The following PTPRG variants were observed in gnomAD, a reference collection of about 807,000 sequenced individuals.
PTPRG encodes the protein protein tyrosine phosphatase receptor type G.
Under a neutral mutation model 165.3 loss-of-function variants are expected in PTPRG, and 102 were observed. The ratio of observed to expected loss-of-function variants is 0.62; its 90% CI spans 0.53 to 0.73. The LOEUF (loss-of-function observed/expected upper bound fraction) is 0.73. PTPRG is among the 30% of genes least tolerant of loss of function. The probability of loss-of-function intolerance (pLI) is 0.00; values close to 1 mark genes in which losing one functional copy is unlikely to be tolerated. For missense variants in PTPRG, 1,866 were observed against 1,861.4 expected (o/e 1.00, Z -0.05); for synonymous variants, 675 against 669.5 (o/e 1.01, Z -0.13).
At chr3:61,868,820 G>A (rs1482617522) in intron 2 of PTPRG, among the ~76,000 whole-genome samples, 1 of 151,678 alleles carries the variant, frequency 6.6e-6, no homozygotes, top group Non-Finnish European at 1.5e-5. Flanking sequence ...TTGGGCATTG[G>A]TCTTTGTATC....
chr3:62,127,499 G>C (rs1703337836), intron 5 of PTPRG, among the ~76,000 whole-genome samples: 1 of 152,226 alleles, frequency 6.6e-6, no homozygotes, highest in Non-Finnish European at 1.5e-5. Context: ...AGGCCATGTG[G>C]AGTCTCTGGT....
At chr3:62,136,350 A>G (rs1233278906) in intron 6 of PTPRG, among the ~76,000 whole-genome samples, 1 of 152,218 alleles carries the variant, frequency 6.6e-6, no homozygotes, top group East Asian at 1.9e-4. Flanking sequence ...GAGGTGGCTC[A>G]AACCAAGTGA....
chr3:62,238,581 A>C (rs2106939499), intron 14 of PTPRG, among the ~76,000 whole-genome samples: 1 of 152,236 alleles, frequency 6.6e-6, no homozygotes, highest in African/African-American at 2.4e-5. Flanking sequence ...TCATAATTGG[A>C]CACAGTACAT....
chr3:62,223,883 A>G (rs746120302), intron 13 of PTPRG, among the ~76,000 whole-genome samples: 3 of 152,358 alleles, frequency 2.0e-5, no homozygotes, highest in East Asian at 3.9e-4. Flanking sequence ...ATTGCATACA[A>G]CATGCTTGAA....
intron 2 of PTPRG, among the ~76,000 whole-genome samples, chr3:61,966,628 T>G (rs2040278002): frequency 6.7e-6 from 1 of 150,270 alleles, no homozygotes; most frequent in African/African-American, 2.5e-5. Flanking sequence ...TCATTCGTGT[T>G]TTTTTTTTCT....
chr3:62,225,518 GT>G lies in PTPRG; in HGVS notation c.2289-5695del, dbSNP rs572658241. 5.8e-3 allele frequency among the ~76,000 whole-genome samples: 823 copies of G among 141,266 alleles called. 3 individuals are homozygous for G. Among genetic ancestry groups the G allele is most frequent in the African/African-American group, 0.012 (458 of 38,736 alleles). 92.7% of individuals were successfully genotyped at this position (141,266 alleles called of 152,430 possible). A position where few individuals can be genotyped will look rare whatever the true frequency, so the allele number is the denominator to read the frequency against. The stretch of plus-strand genomic sequence containing the variant: ...GTATTACAAAGATATTTTTAGTTTT[GT>G]TTTTTTTTTTTCTGTAATCCTGAGG... On this transcript the variant is annotated intron_variant, in intron 13 of 29. Transcript: ENST00000474889.
chr3:61,600,171 A>ATAT (rs1553639761), intron 1 of PTPRG, among the ~76,000 whole-genome samples: 3 of 107,234 alleles, frequency 2.8e-5, no homozygotes, highest in Admixed American at 9.8e-5. Context: ...AAAAAAAAAA[A>ATAT]AAATATATAT....
intron 1 of PTPRG, among the ~76,000 whole-genome samples, chr3:61,627,903 T>G (rs547869561): frequency 6.6e-6 from 1 of 152,322 alleles, no homozygotes; most frequent in Admixed American, 6.5e-5. Flanking sequence ...TTTTGCAGCT[T>G]CATTGTAAAC....
At chr3:61,838,483 G>C (rs1226393031) in intron 2 of PTPRG, among the ~76,000 whole-genome samples, 1 of 152,126 alleles carries the variant, frequency 6.6e-6, no homozygotes, top group Non-Finnish European at 1.5e-5. Flanking sequence ...TGGACAGAGT[G>C]CCCACAATGT....
At chr3:61,909,020 C>T (rs1428171594) in intron 2 of PTPRG, among the ~76,000 whole-genome samples, 1 of 152,118 alleles carries the variant, frequency 6.6e-6, no homozygotes, top group Admixed American at 6.5e-5. Context: ...TTTGTGTTTG[C>T]AAAGAGTAGG....
intron 2 of PTPRG, among the ~76,000 whole-genome samples, chr3:61,886,570 C>T (rs929853547): frequency 8.5e-5 from 13 of 152,090 alleles, no homozygotes; most frequent in South Asian, 4.1e-4. Context: ...CCCCTTGCCA[C>T]CTCCACTGCT....
intron 2 of PTPRG, among the ~76,000 whole-genome samples, chr3:61,914,827 A>G (rs931658524): frequency 6.6e-6 from 1 of 152,234 alleles, no homozygotes; most frequent in Non-Finnish European, 1.5e-5. Context: ...GATGAGGAGG[A>G]TGGGCATAGG....
At chr3:61,788,561 C>T (rs982613256) in intron 2 of PTPRG, among the ~76,000 whole-genome samples, 1 of 152,168 alleles carries the variant, frequency 6.6e-6, no homozygotes, top group African/African-American at 2.4e-5. Flanking sequence ...GAAGGAATTG[C>T]TAAATGCTGA....
intron 4 of PTPRG, among the ~76,000 whole-genome samples, chr3:62,018,774 A>C (rs1337462039): frequency 6.6e-6 from 1 of 152,214 alleles, no homozygotes; most frequent in African/African-American, 2.4e-5. Flanking sequence ...CATGAGCCAC[A>C]TCCCGGGGAA....
intron 1 of PTPRG, among the ~76,000 whole-genome samples, chr3:61,581,072 T>C (rs983142326): frequency 2.6e-5 from 4 of 152,222 alleles, no homozygotes; most frequent in Non-Finnish European, 2.9e-5. Context: ...TTCTCAATGG[T>C]ATTTTTTTGT....
intron 2 of PTPRG, among the ~76,000 whole-genome samples, chr3:61,929,341 G>GA (rs11448196): frequency 0.16 from 24,293 of 148,986 alleles, 2,335 homozygotes; most frequent in East Asian, 0.44. Context: ...GTTTAAATTT[G>GA]AAAAAAAAAA....
At chr3:61,966,088 A>C (rs950952100) in intron 2 of PTPRG, among the ~76,000 whole-genome samples, 1 of 152,218 alleles carries the variant, frequency 6.6e-6, no homozygotes, top group African/African-American at 2.4e-5. Context: ...CATAGCTACT[A>C]TACCTCCGCC....
intron 2 of PTPRG, among the ~76,000 whole-genome samples, chr3:61,911,413 A>G (rs2038801336): frequency 6.6e-6 from 1 of 152,174 alleles, no homozygotes; most frequent in South Asian, 2.1e-4. Context: ...TGTTATTTTT[A>G]CTAAATATTT....
At position 61,570,171 on chromosome 3, in the gene PTPRG, C is replaced by T. The variant is rs529065429; in HGVS notation, c.85+7799C>T. ...GTGTGACACTTGAACACATTGATGT[C>T]CTGTCTCTATATGTTCATGGATTCA... On this transcript the variant is annotated intron_variant, in intron 1 of 29. Coordinates refer to ENST00000474889, the MANE Select transcript of PTPRG (RefSeq NM_002841.4). Among the ~76,000 whole-genome samples the T allele has an allele frequency of 4.2e-4, 64 of 152,176 alleles. 3 individuals carry two copies. In the South Asian group the frequency reaches 0.011, roughly 25 times the overall value.
Sources: allele counts gnomAD v4.1 joint callset (sites outside exome capture counted in the v4.1 genomes callset), GRCh38; gene constraint gnomAD v4.1.1; transcripts MANE v1.5; gene names NCBI Gene and HGNC (gene_info 2026-07-23, HGNC 2026-07-21).